HOXB9: variants seen among roughly 807,000 people sequenced by gnomAD.
The protein encoded by HOXB9 is homeobox protein Hox-B9.
HOXB9 carries 10 observed loss-of-function variants against 21.5 expected under a neutral mutation model. The observed-to-expected ratio is 0.47, with a 90% CI of 0.29 to 0.79. The LOEUF is 0.79. Ranked by LOEUF, HOXB9 falls within the 30% of genes least tolerant of loss-of-function variation. The pLI, the probability that HOXB9 is intolerant of heterozygous loss-of-function variation, is 0.10. For synonymous variants in HOXB9, 156 were observed against 151.2 expected (o/e 1.03, Z -0.23); for missense variants, 375 against 338.7 (o/e 1.11, Z -0.84).
rs778840841 is a variant in HOXB9 at position 48,623,146 on chromosome 17, A to G, written c.518-11T>C. On this transcript the variant is annotated splice_polypyrimidine_tract_variant and intron_variant, in intron 1 of 1. Transcript: ENST00000311177. ...TGGCGGAGGGGTTGGCTGAAAGAGA[A>G]GCAGCGATAGAATCAAAGAAAGGAA... 6.2e-7 allele frequency: 1 copy of G among 1,606,814 alleles called. No individual in the cohort carries two copies. The highest frequency in any genetic ancestry group is 8.5e-7 in the Non-Finnish European group (1 of 1,175,274).
chr17:48,622,557 A>T lies in HOXB9; in HGVS notation c.*343T>A. ...TTTTGGGTGGGTGTAGAGAAGAAAC[A>T]GGCAAGCTGGAAGTGAGGGGCTAGG... is the stretch of plus-strand genomic sequence containing the variant. On this transcript the variant is annotated 3_prime_UTR_variant, in exon 2 of 2. Coordinates refer to ENST00000311177, the MANE Select transcript of HOXB9 (RefSeq NM_024017.5). 2 of 249,828 alleles carry T rather than the reference A, an allele frequency of 8.0e-6. No individual in the cohort carries two copies. Among genetic ancestry groups the T allele is most frequent in the Non-Finnish European group, 1.6e-5 (2 of 128,662 alleles). The allele number at this position is 249,828 out of a possible 1,614,324, so 15.5% of individuals were successfully genotyped here.
chr17:48,625,173 G>A (rs1474773831), intron 1 of HOXB9, among the ~76,000 whole-genome samples: 2 of 152,266 alleles, frequency 1.3e-5, no homozygotes, highest in African/African-American at 2.4e-5. Flanking sequence ...GTCGCCGGTT[G>A]CGGACTCTGC....
intron 1 of HOXB9, among the ~76,000 whole-genome samples, chr17:48,623,798 C>A (rs1465490065): frequency 2.0e-5 from 3 of 152,224 alleles, no homozygotes; most frequent in African/African-American, 4.8e-5. Flanking sequence ...ACACGCAATG[C>A]AATTGCAACC....
Position 48,626,317 on chromosome 17 carries a change from C to A in HOXB9, c.-48G>T, listed in dbSNP as rs985678997. On this transcript the variant is annotated 5_prime_UTR_variant, in exon 1 of 2. Coordinates refer to ENST00000311177, the MANE Select transcript of HOXB9 (RefSeq NM_024017.5). ...TGCAGGGGGAAGGGAAGCGCTCGCG[C>A]GGCGGCGCCCAAGCAGGGAGAGGTG... The A allele has an allele frequency of 6.5e-7, 1 of 1,532,856 alleles. No individual in the cohort carries two copies. The highest frequency in any genetic ancestry group is 8.7e-7 in the Non-Finnish European group (1 of 1,145,512). 95.0% of individuals were successfully genotyped at this position (1,532,856 alleles called of 1,614,324 possible).
At position 48,626,228 on chromosome 17, in the gene HOXB9, C is replaced by G; in HGVS notation, c.42G>C (p.Ser14=). 6.3e-7 allele frequency: 1 copy of G among 1,598,490 alleles called. No homozygotes were observed. The highest frequency in any genetic ancestry group is 8.5e-7 in the Non-Finnish European group (1 of 1,179,474). The change falls in exon 1 of 2, where the codon TCG becomes TCC. Residue 14 remains serine (S), a synonymous_variant. Coordinates refer to ENST00000311177, the MANE Select transcript of HOXB9 (RefSeq NM_024017.5). ...SGTLSSYYVD[S]IISHESEDAP... is the part of the protein sequence containing the mutation. ...CGTCCTCACTCTCGTGACTTATGAT[C>G]GAGTCGACATAATAGCTGCTAAGCG...
At chr17:48,624,040 G>A (rs902652526) in intron 1 of HOXB9, among the ~76,000 whole-genome samples, 4 of 152,130 alleles carry the variant, frequency 2.6e-5, no homozygotes, top group African/African-American at 9.7e-5. Context: ...CCTATGTGGG[G>A]GCTGGAGGGG....
At chr17:48,624,449 G>A (rs1233480098) in intron 1 of HOXB9, among the ~76,000 whole-genome samples, 1 of 152,142 alleles carries the variant, frequency 6.6e-6, no homozygotes, top group Non-Finnish European at 1.5e-5. Context: ...TTGGGAGTGT[G>A]CGGGGAGGGT....
Position 48,622,274 on chromosome 17 carries a change from G to C in HOXB9, c.*626C>G, listed in dbSNP as rs1009397593. 2 of 152,866 alleles carry C rather than the reference G, an allele frequency of 1.3e-5. No individual in the cohort carries two copies. The highest frequency in any genetic ancestry group is 4.8e-5 in the African/African-American group (2 of 41,574). 9.5% of individuals were successfully genotyped at this position (152,866 alleles called of 1,614,324 possible). On this transcript the variant is annotated 3_prime_UTR_variant, in exon 2 of 2. Coordinates refer to ENST00000311177, the MANE Select transcript of HOXB9 (RefSeq NM_024017.5). Reference sequence around the variant, plus strand: ...GAATAGTTGGCAACTCCATGGGAATGGTATGGCAATGCTGCAGCCTTTGGG... The same window carrying C: ...GAATAGTTGGCAACTCCATGGGAATCGTATGGCAATGCTGCAGCCTTTGGG...
At chr17:48,624,971 A>G (rs1212067684) in intron 1 of HOXB9, among the ~76,000 whole-genome samples, 1 of 152,096 alleles carries the variant, frequency 6.6e-6, no homozygotes, top group Non-Finnish European at 1.5e-5. Context: ...CGACTCCCCA[A>G]GAGGCGGACA....
rs1206111295 is a variant in HOXB9 at position 48,621,264 on chromosome 17, C to T, written c.*1636G>A. 6.6e-6 allele frequency: 1 copy of T among 152,200 alleles called. No homozygotes were observed. Among genetic ancestry groups the T allele is most frequent in the Non-Finnish European group, 1.5e-5 (1 of 67,940 alleles). The allele number at this position is 152,200 out of a possible 1,614,324, so 9.4% of individuals were successfully genotyped here. On this transcript the variant is annotated 3_prime_UTR_variant, in exon 2 of 2. Coordinates refer to ENST00000311177, the MANE Select transcript of HOXB9 (RefSeq NM_024017.5). ...CCTCCCCACTCCCACCCAGAACCCT[C>T]CCATATAATCGACAACTGAAAACAA...
At position 48,626,120 on chromosome 17, in the gene HOXB9, G is replaced by A. The variant is rs1182036746; in HGVS notation, c.150C>T (p.Cys50=). The part of the protein sequence containing the change: ...GHAEHLEFPS[C]SFQPKAPVFG... ...ACACCGGCGCTTTGGGCTGGAAGCT[G>A]CACGAGGGGAACTCCAGGTGCTCCG... The change falls in exon 1 of 2, where the codon TGC becomes TGT. Residue 50 remains cysteine, a synonymous_variant. Transcript: ENST00000311177. The A allele has an allele frequency of 1.3e-6, 2 of 1,585,804 alleles. No individual in the cohort carries two copies. The highest frequency in any genetic ancestry group is 1.3e-5 in the African/African-American group (1 of 74,804).
At position 48,622,920 on chromosome 17, in the gene HOXB9, T is replaced by C; in HGVS notation, c.733A>G (p.Lys245Glu). 1 of 1,613,814 alleles carries C rather than the reference T, an allele frequency of 6.2e-7. No homozygotes were observed. The change falls in exon 2 of 2, where the codon AAG (lysine) becomes GAG (glutamate). Residue 245 changes from lysine to glutamate, a missense_variant. Coordinates refer to ENST00000311177, the MANE Select transcript of HOXB9 (RefSeq NM_024017.5). Reference sequence around the variant, plus strand: ...AATCTTTACTCTTTGCCCTGCTCCTTATTCATTTTCTTCATTTTCATCCGC... The same window carrying C: ...AATCTTTACTCTTTGCCCTGCTCCTCATTCATTTTCTTCATTTTCATCCGC... ...NRRMKMKKMN[K>E]EQGKE
chr17:48,625,672 T>A (rs1423414673), intron 1 of HOXB9, 81 bp downstream of exon 1: 4 of 1,404,458 alleles, frequency 2.8e-6, no homozygotes, highest in Non-Finnish European at 3.7e-6. Flanking sequence ...CCCTTCACAT[T>A]GTCCGCAGTT....
Position 48,625,857 on chromosome 17 carries a change from A to G in HOXB9, c.413T>C (p.Leu138Ser), listed in dbSNP as rs200221711. ...LLKQGTPEYS[L>S]ETSAGREAVL... is the part of the protein sequence containing the mutation. ...GGCCTCCCTGCCCGCCGAAGTTTCC[A>G]AACTGTACTCGGGCGTGCCCTGTTT... is the stretch of plus-strand genomic sequence containing the variant. The change falls in exon 1 of 2, where the codon TTG becomes TCG. Residue 138 changes from leucine to serine, a missense_variant. Transcript: ENST00000311177. 3.7e-6 allele frequency: 6 copies of G among 1,612,016 alleles called. No individual in the cohort carries two copies. Among genetic ancestry groups the G allele is most frequent in the Non-Finnish European group, 5.1e-6 (6 of 1,179,340 alleles).
At chr17:48,623,256 C>T (rs1262730648) in intron 1 of HOXB9, 121 bp from the exon 2 acceptor site, 1 of 716,674 alleles carries the variant, frequency 1.4e-6, no homozygotes, top group African/African-American at 1.8e-5. Flanking sequence ...CCTGGGTCTT[C>T]AAGCTCCCAG....
chr17:48,624,809 C>A (rs543166926), intron 1 of HOXB9, among the ~76,000 whole-genome samples: 10 of 152,126 alleles, frequency 6.6e-5, no homozygotes, highest in Non-Finnish European at 8.8e-5. Context: ...CCAGACTTGG[C>A]GTTCTGGCCG....
At position 48,626,100 on chromosome 17, in the gene HOXB9, G is replaced by C. The variant is rs777260214; in HGVS notation, c.170C>G (p.Pro57Arg). 5.7e-6 allele frequency: 9 copies of C among 1,578,722 alleles called. No individual in the cohort carries two copies. The African/African-American group carries it at 9.4e-5, about 16-fold the overall frequency. The change falls in exon 1 of 2, where the codon CCG (proline) becomes CGG (arginine). Residue 57 changes from proline (P) to arginine (R), a missense_variant. Pro to Arg is a moderately radical substitution (Grantham distance 103, BLOSUM62 -2). Coordinates refer to ENST00000311177, the MANE Select transcript of HOXB9 (RefSeq NM_024017.5). Reference protein sequence around the residue: ...FPSCSFQPKAPVFGASWAPLS... With the variant: ...FPSCSFQPKARVFGASWAPLS... ...CGGCGCCCAGGAGGCGCCGAACACCGGCGCTTTGGGCTGGAAGCTGCACGA... is the reference window on the plus strand; with the variant it reads ...CGGCGCCCAGGAGGCGCCGAACACCCGCGCTTTGGGCTGGAAGCTGCACGA...
At chr17:48,624,645 C>T (rs1306234664) in intron 1 of HOXB9, among the ~76,000 whole-genome samples, 1 of 152,176 alleles carries the variant, frequency 6.6e-6, no homozygotes, top group Admixed American at 6.5e-5. Flanking sequence ...AACATCCCTA[C>T]TTCCCAAAAA....
In HOXB9 at chr17:48,626,047, G is replaced by A; in HGVS notation, c.223C>T (p.Pro75Ser). The change falls in exon 1 of 2, where the codon CCG becomes TCG. Residue 75 changes from proline to serine, a missense_variant. By Grantham distance (74) the Pro-to-Ser change is moderately conservative. Coordinates refer to ENST00000311177, the MANE Select transcript of HOXB9 (RefSeq NM_024017.5). ...PLSPHASGSL[P>S]SVYHPYIQPQ... ...TGGATGTAAGGGTGGTAGACGGACG[G>A]CAGGCTCCCGGACGCGTGCGGGCTC... is the stretch of plus-strand genomic sequence containing the variant. The A allele has an allele frequency of 6.3e-7, 1 of 1,578,312 alleles. No individual in the cohort carries two copies. Among genetic ancestry groups the A allele is most frequent in the Non-Finnish European group, 8.6e-7 (1 of 1,169,430 alleles).
Sources: gnomAD v4.1 joint callset for allele counts (sites outside exome capture counted in the v4.1 genomes callset) on GRCh38, gnomAD v4.1.1 for gene constraint, MANE v1.5 for transcripts, NCBI Gene and HGNC (gene_info 2026-07-23, HGNC 2026-07-21) for gene names.